Variants in MICU2 observed in about 807,000 individuals in gnomAD.
MICU2 encodes calcium uptake protein 2, mitochondrial.
In MICU2, 64 loss-of-function variants were observed where a neutral mutation model predicts 60.4. That is an observed-to-expected ratio of 1.06 (90% CI 0.87 to 1.31). The LOEUF (loss-of-function observed/expected upper bound fraction) is 1.31. Ranked by LOEUF, MICU2 falls within the 50% of genes most tolerant of loss-of-function variation. The probability of loss-of-function intolerance (pLI) is 0.00; values close to 1 mark genes in which losing one functional copy is unlikely to be tolerated. For missense variants in MICU2, 569 were observed against 531.0 expected, an observed-to-expected ratio of 1.07 and a Z score of -0.70; for synonymous variants, 201 against 175.0, an observed-to-expected ratio of 1.15 and a Z score of -1.17.
At chr13:21,541,626 G>C (rs1174768105) in intron 2 of MICU2, among the ~76,000 whole-genome samples, 1 of 152,028 alleles carries the variant, frequency 6.6e-6, no homozygotes, top group African/African-American at 2.4e-5. Flanking sequence ...AAACAAATTG[G>C]CAAGAGGAAT....
rs751999325 is a variant in MICU2 at position 21,496,101 on chromosome 13, A to G, written c.993T>C (p.Phe331=). The G allele has an allele frequency of 1.2e-6, 2 of 1,614,134 alleles. No homozygotes were observed. The highest frequency in any genetic ancestry group is 1.7e-6 in the Non-Finnish European group (2 of 1,179,984). Residue 331 remains phenylalanine (F), a synonymous_variant, in exon 10 of 12, where the codon TTT becomes TTC. Coordinates refer to ENST00000382374, the MANE Select transcript of MICU2 (RefSeq NM_152726.3). ...AACTGAACATCTGCATGGCAATAGC[A>G]AAGTCTTCCAAGTGGGTTGTAAAAT... ...FCHFTTHLED[F]AIAMQMFSLA...
chr13:21,522,612 T>C lies in MICU2; in HGVS notation c.505A>G (p.Ile169Val), dbSNP rs146998320. ...SYTEYLFLLTILTKPHSGFHV... is the reference protein window; with the variant it reads ...SYTEYLFLLTVLTKPHSGFHV... ...ACTGTGGGATACTTACTAGTGAGGA[T>C]TGTAAGCAAGAAAAGATACTCGGTA... The change falls in exon 5 of 12, where the codon ATC (isoleucine) becomes GTC (valine). Residue 169 changes from isoleucine (I) to valine (V), a missense_variant. By Grantham distance (29) the Ile-to-Val change is conservative. Transcript: ENST00000382374. 139 of 1,602,860 alleles carry C rather than the reference T, an allele frequency of 8.7e-5. 5 individuals carry two copies. In the South Asian group the frequency reaches 1.0e-3, roughly 12 times the overall value.
At chr13:21,499,431 A>G (rs1886087587) in intron 9 of MICU2, among the ~76,000 whole-genome samples, 1 of 150,034 alleles carries the variant, frequency 6.7e-6, no homozygotes, top group Non-Finnish European at 1.5e-5. Context: ...TTTTTTTGAG[A>G]TGGAGTCTCG....
chr13:21,590,754 C>T (rs1043476075), intron 1 of MICU2, among the ~76,000 whole-genome samples: 4 of 152,150 alleles, frequency 2.6e-5, no homozygotes, highest in African/African-American at 9.7e-5. Context: ...ACTCAGGAGG[C>T]TGAGGCAGGA....
At chr13:21,495,133 CAT>C in intron 11 of MICU2, 26 bp downstream of exon 11, 1 of 1,564,794 alleles carries the variant, frequency 6.4e-7, no homozygotes, top group Non-Finnish European at 8.7e-7. Flanking sequence ...ACAATGTAAA[CAT>C]GTATTATATA....
chr13:21,564,616 G>A (rs1042345174), intron 2 of MICU2, among the ~76,000 whole-genome samples: 3 of 152,106 alleles, frequency 2.0e-5, no homozygotes, highest in Non-Finnish European at 4.4e-5. Context: ...CCCTTGGTGA[G>A]ACAAGAAGGC....
At chr13:21,525,644 G>C (rs929263862) in intron 4 of MICU2, among the ~76,000 whole-genome samples, 1 of 151,320 alleles carries the variant, frequency 6.6e-6, no homozygotes, top group African/African-American at 2.4e-5. Context: ...ATCTCATTGC[G>C]GTTTTGATTT....
intron 1 of MICU2, among the ~76,000 whole-genome samples, chr13:21,586,784 A>C (rs987292228): frequency 1.3e-5 from 2 of 152,152 alleles, no homozygotes; most frequent in African/African-American, 4.8e-5. Flanking sequence ...TCTCCATTTA[A>C]AAATTCTAAC....
chr13:21,559,322 G>A (rs545823758), intron 2 of MICU2, among the ~76,000 whole-genome samples: 2 of 152,256 alleles, frequency 1.3e-5, no homozygotes, highest in South Asian at 4.2e-4. Context: ...GTTATTAAGG[G>A]ACAGTTGAGT....
At chr13:21,518,954 C>A (rs1391464600) in intron 6 of MICU2, among the ~76,000 whole-genome samples, 1 of 152,186 alleles carries the variant, frequency 6.6e-6, no homozygotes, top group Non-Finnish European at 1.5e-5. Flanking sequence ...TCGGTCCCCA[C>A]GACTCTTTTG....
intron 1 of MICU2, among the ~76,000 whole-genome samples, chr13:21,585,392 T>C (rs1252883936): frequency 6.6e-6 from 1 of 152,236 alleles, no homozygotes; most frequent in Non-Finnish European, 1.5e-5. Context: ...AACTTCTGTA[T>C]GTTGCTATAA....
intron 8 of MICU2, among the ~76,000 whole-genome samples, chr13:21,503,801 T>C (rs1484927779): frequency 2.6e-5 from 4 of 152,206 alleles, no homozygotes; most frequent in Non-Finnish European, 5.9e-5. Flanking sequence ...CTAAATCATG[T>C]GAAAAGTATT....
chr13:21,511,564 G>A (rs1303813360), intron 7 of MICU2, among the ~76,000 whole-genome samples: 1 of 152,144 alleles, frequency 6.6e-6, no homozygotes, highest in African/African-American at 2.4e-5. Flanking sequence ...CCTTTACTCA[G>A]TATCCTCCAA....
chr13:21,499,466 G>A (rs946760965), intron 9 of MICU2, among the ~76,000 whole-genome samples: 1 of 151,570 alleles, frequency 6.6e-6, no homozygotes, highest in Non-Finnish European at 1.5e-5. Context: ...CTGGAGTGCA[G>A]TAGCACAATC....
At chr13:21,586,403 T>G (rs918993459) in intron 1 of MICU2, among the ~76,000 whole-genome samples, 5 of 152,078 alleles carry the variant, frequency 3.3e-5, no homozygotes, top group African/African-American at 1.2e-4. Flanking sequence ...CTTTTCTACT[T>G]GTGTTTTTTG....
At chr13:21,497,737 A>G (rs1052835326) in intron 9 of MICU2, among the ~76,000 whole-genome samples, 1 of 152,126 alleles carries the variant, frequency 6.6e-6, no homozygotes, top group African/African-American at 2.4e-5. Context: ...AAAAGTAAAC[A>G]AAGTATGAAA....
chr13:21,504,381 T>G (rs925317042), intron 8 of MICU2, among the ~76,000 whole-genome samples: 7 of 152,096 alleles, frequency 4.6e-5, no homozygotes, highest in Non-Finnish European at 1.0e-4. Context: ...CTTTCCCTTT[T>G]TTCTTCAGGC....
chr13:21,550,755 T>G (rs1887539614), intron 2 of MICU2, among the ~76,000 whole-genome samples: 1 of 150,914 alleles, frequency 6.6e-6, no homozygotes, highest in South Asian at 2.1e-4. Flanking sequence ...CCAGGTACTC[T>G]GCTCTTTACT....
At chr13:21,572,954 T>A (rs1044832098) in intron 1 of MICU2, among the ~76,000 whole-genome samples, 23 of 134,752 alleles carry the variant, frequency 1.7e-4, no homozygotes, top group African/African-American at 5.1e-4. Context: ...AAAAAAAAAA[T>A]GTTTTCCTGC....
Sources: allele counts gnomAD v4.1 joint callset (sites outside exome capture counted in the v4.1 genomes callset), GRCh38; gene constraint gnomAD v4.1.1; transcripts MANE v1.5; gene names NCBI Gene and HGNC (gene_info 2026-07-23, HGNC 2026-07-21).